Variants in ZSCAN20 observed in about 807,000 individuals in gnomAD.
ZSCAN20 encodes zinc finger and SCAN domain-containing protein 20.
In ZSCAN20, 39 loss-of-function variants were observed where a neutral mutation model predicts 97.1. That is an observed-to-expected ratio of 0.40 (90% CI 0.31 to 0.52). The LOEUF (loss-of-function observed/expected upper bound fraction) is 0.52, where lower values mean the gene tolerates loss of function less well. Among genes scored for constraint, ZSCAN20 ranks in the 20% least tolerant of loss-of-function variants. The pLI is 0.49. For missense variants in ZSCAN20, 1,115 were observed against 1,290.4 expected (o/e 0.86, Z 2.08); for synonymous variants, 456 against 467.3 (o/e 0.98, Z 0.31).
In ZSCAN20 at chr1:33,479,317, A is replaced by G. The variant is rs1434592380; in HGVS notation, c.29A>G (p.Gln10Arg). Residue 10 changes from glutamine to arginine, a missense_variant, in exon 2 of 8, where the codon CAG becomes CGG. Physicochemically the swap from Gln to Arg is conservative, Grantham distance 43. Coordinates refer to ENST00000684572, the MANE Select transcript of ZSCAN20 (RefSeq NM_001377376.1). The part of the protein sequence containing the change: MAMALELQA[Q>R]ASPQPEPEEL... ...GCTATGGCCCTGGAATTGCAAGCCC[A>G]GGCATCTCCGCAGCCAGAGCCTGAA... The G allele has an allele frequency of 1.9e-6, 3 of 1,611,776 alleles. No individual in the cohort carries two copies. Among genetic ancestry groups the G allele is most frequent in the Non-Finnish European group, 2.5e-6 (3 of 1,178,696 alleles).
chr1:33,483,604 G>A (rs1652237282), intron 2 of ZSCAN20, among the ~76,000 whole-genome samples: 1 of 149,508 alleles, frequency 6.7e-6, no homozygotes, highest in Admixed American at 6.7e-5. Context: ...TTGAGAGGAC[G>A]AAATGGGTGG....
rs1218032216 is a variant in ZSCAN20 at position 33,491,237 on chromosome 1, G to A, written c.979G>A (p.Gly327Ser). The A allele has an allele frequency of 1.9e-6, 3 of 1,614,036 alleles. No homozygotes were observed. In the Admixed American group the frequency reaches 5.0e-5, roughly 27 times the overall value. The change falls in exon 6 of 8, where the codon GGC (glycine) becomes AGC (serine). Residue 327 changes from glycine (G) to serine (S), a missense_variant. This residue lies in a region of ZSCAN20 where 508 missense variants were observed against 611.2 expected (regional missense o/e 0.83). Coordinates refer to ENST00000684572, the MANE Select transcript of ZSCAN20 (RefSeq NM_001377376.1). This position sits in a 1 kb window ranked among gnomAD's most constrained non-coding sequence, Gnocchi z 4.3. ...EDMKVSGVHW[G>S]YEETKTFLAI... ...CATGAAGGTGTCAGGTGTTCACTGGGGCTATGAGGAGACCAAGACTTTCCT... is the reference window on the plus strand; with the variant it reads ...CATGAAGGTGTCAGGTGTTCACTGGAGCTATGAGGAGACCAAGACTTTCCT...
At chr1:33,483,398 T>C (rs946159033) in intron 2 of ZSCAN20, among the ~76,000 whole-genome samples, 9 of 152,140 alleles carry the variant, frequency 5.9e-5, no homozygotes, top group Admixed American at 3.9e-4. Context: ...TTCTGTTCCA[T>C]TGATCGCTTT....
intron 5 of ZSCAN20, 88 bp from the exon 6 acceptor site, chr1:33,490,937 A>T: frequency 7.7e-7 from 1 of 1,295,348 alleles, no homozygotes; most frequent in African/African-American, 1.5e-5. Flanking sequence ...GCCTCTTGCA[A>T]GGAAAAGATA....
chr1:33,479,088 A>T (rs1652038880), intron 1 of ZSCAN20, 91 bp from the exon 2 acceptor site: 1 of 561,128 alleles, frequency 1.8e-6, no homozygotes. Context: ...CTCTGCCCCC[A>T]TGCAAAGGTG....
chr1:33,479,143 T>G, intron 1 of ZSCAN20, 36 bp from the exon 2 acceptor site: 1 of 835,432 alleles, frequency 1.2e-6, no homozygotes, highest in Non-Finnish European at 1.8e-6. Flanking sequence ...TCTGCATCCT[T>G]TTGCTCACAC....
At chr1:33,479,783 A>T in intron 2 of ZSCAN20, 78 bp downstream of exon 2, 1 of 1,344,984 alleles carries the variant, frequency 7.4e-7, no homozygotes, top group South Asian at 1.6e-5. Flanking sequence ...ATAATTGCCA[A>T]ATTCACAATA....
chr1:33,484,021 A>G (rs986705860), intron 2 of ZSCAN20, among the ~76,000 whole-genome samples: 1 of 152,228 alleles, frequency 6.6e-6, no homozygotes, highest in Non-Finnish European at 1.5e-5. Context: ...GTATATAGGA[A>G]GGCGATTGAC....
At position 33,496,511 on chromosome 1, in the gene ZSCAN20, G is replaced by A. The variant is rs374272602; in HGVS notation, c.*1035G>A. The A allele has an allele frequency of 2.0e-5, 3 of 152,096 alleles. No homozygotes were observed. Among genetic ancestry groups the A allele is most frequent in the Admixed American group, 6.5e-5 (1 of 15,272 alleles). The allele number at this position is 152,096 out of a possible 1,614,324, so 9.4% of individuals were successfully genotyped here. A position where few individuals can be genotyped will look rare whatever the true frequency, so the allele number is the denominator to read the frequency against. On this transcript the variant is annotated 3_prime_UTR_variant, in exon 8 of 8. Transcript: ENST00000684572. Reference sequence around the variant, plus strand: ...TGGGTTGAGATTGGGAAAAATATGCGGCCTAAGTAATTTTTCTTCCAATAA... The same window carrying A: ...TGGGTTGAGATTGGGAAAAATATGCAGCCTAAGTAATTTTTCTTCCAATAA...
Position 33,494,937 on chromosome 1 carries a change from C to T in ZSCAN20, c.2593C>T (p.Pro865Ser). 4 of 1,614,166 alleles carry T rather than the reference C, an allele frequency of 2.5e-6. No individual in the cohort carries two copies. Among genetic ancestry groups the T allele is most frequent in the Non-Finnish European group, 3.4e-6 (4 of 1,180,036 alleles). Residue 865 changes from proline (P) to serine (S), a missense_variant, in exon 8 of 8, where the codon CCA becomes TCA. Pro to Ser is a moderately conservative substitution (Grantham distance 74, BLOSUM62 -1). Coordinates refer to ENST00000684572, the MANE Select transcript of ZSCAN20 (RefSeq NM_001377376.1). ...SISKDLNSPG[P>S]HSTNSGEKLY... ...CAGTAAGGACTTGAATTCTCCTGGA[C>T]CACACAGCACAAACTCAGGGGAGAA... is the stretch of plus-strand genomic sequence containing the variant.
At position 33,499,084 on chromosome 1, in the gene ZSCAN20, C is replaced by T. The variant is rs868777674; in HGVS notation, c.*3608C>T. Among the ~76,000 whole-genome samples, 1 of 152,190 alleles carries T rather than the reference C, an allele frequency of 6.6e-6. No individual in the cohort carries two copies. The highest frequency in any genetic ancestry group is 2.4e-5 in the African/African-American group (1 of 41,458). On this transcript the variant is annotated 3_prime_UTR_variant, in exon 8 of 8. Coordinates refer to ENST00000684572, the MANE Select transcript of ZSCAN20 (RefSeq NM_001377376.1). ...ATGTAGTCAGGCGCTCTGGGTAGTC[C>T]GTCCTGCCTCATCTTGTTCTGGGGC...
intron 4 of ZSCAN20, 139 bp from the exon 5 acceptor site, chr1:33,489,379 G>A (rs1057143196): frequency 5.0e-6 from 5 of 1,009,388 alleles, no homozygotes; most frequent in Non-Finnish European, 7.5e-6. Flanking sequence ...GTACCAAATG[G>A]CCATCCTGCT....
In ZSCAN20 at chr1:33,497,525, C is replaced by T. The variant is rs1306104448; in HGVS notation, c.*2049C>T. Among the ~76,000 whole-genome samples, 1 of 152,106 alleles carries T rather than the reference C, an allele frequency of 6.6e-6. No individual in the cohort carries two copies. Among genetic ancestry groups the T allele is most frequent in the Non-Finnish European group, 1.5e-5 (1 of 68,028 alleles). On this transcript the variant is annotated 3_prime_UTR_variant, in exon 8 of 8. Coordinates refer to ENST00000684572, the MANE Select transcript of ZSCAN20 (RefSeq NM_001377376.1). ...AGCTGATATTAGAGGAGTGCTGGAG[C>T]AAGGTCACTGAGGACCTCACATGTG... is the stretch of plus-strand genomic sequence containing the variant.
At position 33,479,803 on chromosome 1, in the gene ZSCAN20, A is replaced by C. The variant is rs1652076613; in HGVS notation, c.417+98A>C. 3.9e-6 allele frequency: 5 copies of C among 1,280,870 alleles called. No homozygotes were observed. In the South Asian group the frequency reaches 6.9e-5, roughly 18 times the overall value. The allele number at this position is 1,280,870 out of a possible 1,614,324, so 79.3% of individuals were successfully genotyped here. A position where few individuals can be genotyped will look rare whatever the true frequency, so the allele number is the denominator to read the frequency against. ...TGCCAAATTCACAATAAAAATAACA[A>C]TAGTTATTGAGAACTGACACTTATT... On this transcript the variant is annotated intron_variant, in intron 2 of 7. Transcript: ENST00000684572.
chr1:33,486,213 G>A (rs537620221), intron 2 of ZSCAN20, among the ~76,000 whole-genome samples: 3 of 152,314 alleles, frequency 2.0e-5, no homozygotes, highest in African/African-American at 7.2e-5. Flanking sequence ...GTGAGGGTCT[G>A]GTTGAGCTCC....
chr1:33,484,357 G>T (rs1652272395), intron 2 of ZSCAN20, among the ~76,000 whole-genome samples: 1 of 152,156 alleles, frequency 6.6e-6, no homozygotes, highest in Admixed American at 6.5e-5. Flanking sequence ...AGTTGAGGAA[G>T]TTCCCCTCTA....
At chr1:33,475,348 A>T (rs1350544578) in intron 1 of ZSCAN20, among the ~76,000 whole-genome samples, 4 of 152,250 alleles carry the variant, frequency 2.6e-5, no homozygotes, top group Non-Finnish European at 5.9e-5. Flanking sequence ...CTTTAGCCAA[A>T]AATCACAGTT....
At position 33,488,691 on chromosome 1, in the gene ZSCAN20, C is replaced by T. The variant is rs1426784035; in HGVS notation, c.604+40C>T. The T allele has an allele frequency of 3.2e-6, 5 of 1,586,116 alleles. No homozygotes were observed. In the Admixed American group the frequency reaches 7.5e-5, roughly 24 times the overall value. On this transcript the variant is annotated intron_variant, in intron 3 of 7. Coordinates refer to ENST00000684572, the MANE Select transcript of ZSCAN20 (RefSeq NM_001377376.1). ...GAACATTAGGGAATGAGGCCTTCTG[C>T]AGGGGAGAGGGATGGGAGGTGAGGA... is the stretch of plus-strand genomic sequence containing the variant.
Position 33,498,613 on chromosome 1 carries a change from A to T in ZSCAN20, c.*3137A>T, listed in dbSNP as rs184129442. On this transcript the variant is annotated 3_prime_UTR_variant, in exon 8 of 8. Coordinates refer to ENST00000684572, the MANE Select transcript of ZSCAN20 (RefSeq NM_001377376.1). ...TGCTAGCGTGATTCTGCTCTTGGGA[A>T]GTAGATTCACTCTGCAGAATGGGTG... is the stretch of plus-strand genomic sequence containing the variant. Among the ~76,000 whole-genome samples the T allele has an allele frequency of 2.6e-5, 4 of 152,290 alleles. No individual in the cohort carries two copies. The highest frequency in any genetic ancestry group is 2.6e-4 in the Admixed American group (4 of 15,308).
Sources: gnomAD v4.1 joint callset for allele counts (sites outside exome capture counted in the v4.1 genomes callset) on GRCh38, gnomAD v4.1.1 for gene constraint, gnomAD v4.1.1 regional missense constraint, Gnocchi (gnomAD v3.1) non-coding constraint, MANE v1.5 for transcripts, NCBI Gene and HGNC (gene_info 2026-07-23, HGNC 2026-07-21) for gene names.